The following ITGA2 variants were observed in gnomAD, a reference collection of about 807,000 sequenced individuals.
The protein encoded by ITGA2 is integrin subunit alpha 2, also known as integrin alpha-2.
In ITGA2, 101 loss-of-function variants were observed where a neutral mutation model predicts 146.3. The ratio of observed to expected loss-of-function variants is 0.69; its 90% confidence interval spans 0.59 to 0.81. ITGA2 has a LOEUF of 0.81. Among genes scored for constraint, ITGA2 ranks in the 40% least tolerant of loss-of-function variants. The pLI is 0.00. For missense variants in ITGA2, 1,281 were observed against 1,402.7 expected, an observed-to-expected ratio of 0.91 and a Z score of 1.39; for synonymous variants, 477 against 487.1, an observed-to-expected ratio of 0.98 and a Z score of 0.27.
chr5:53,068,449 A>G (rs1745243418), intron 16 of ITGA2, among the ~76,000 whole-genome samples: 1 of 151,912 alleles, frequency 6.6e-6, no homozygotes, highest in Non-Finnish European at 1.5e-5. Context: ...CAGAAACAGC[A>G]AACTGGTCAG....
At chr5:53,080,703 T>C (rs1723597957) in intron 25 of ITGA2, 82 bp downstream of exon 25, 3 of 1,020,014 alleles carry the variant, frequency 2.9e-6, no homozygotes, top group Non-Finnish European at 4.7e-6. Flanking sequence ...TGTCTGACAT[T>C]TTACAGATGG....
intron 1 of ITGA2, among the ~76,000 whole-genome samples, chr5:53,010,719 A>C (rs1742082157): frequency 1.3e-5 from 2 of 152,200 alleles, no homozygotes; most frequent in African/African-American, 4.8e-5. Flanking sequence ...TGCATGTGGC[A>C]TGAATGTGAA....
At chr5:53,062,562 C>T (rs547421800) in intron 12 of ITGA2, among the ~76,000 whole-genome samples, 2 of 151,938 alleles carry the variant, frequency 1.3e-5, no homozygotes, top group African/African-American at 4.8e-5. Context: ...ATTTCAAAGG[C>T]ATTTTCTTGG....
In ITGA2 at chr5:53,091,798, C is replaced by T. The variant is rs1042323; in HGVS notation, c.*1199C>T. The T allele has an allele frequency of 1.3e-5, 2 of 152,082 alleles. No individual in the cohort carries two copies. Among genetic ancestry groups the T allele is most frequent in the East Asian group, 1.9e-4 (1 of 5,192 alleles). The allele number at this position is 152,082 out of a possible 1,614,324, so 9.4% of individuals were successfully genotyped here. A position where few individuals can be genotyped will look rare whatever the true frequency, so the allele number is the denominator to read the frequency against. ...GCTAAACAAGTAAGAAAAATAAGCT[C>T]GAGTGAATTTCTAAATGTTGGAATG... On this transcript the variant is annotated 3_prime_UTR_variant, in exon 30 of 30. Transcript: ENST00000296585.
intron 1 of ITGA2, 62 bp from the exon 2 acceptor site, chr5:53,026,686 T>A (rs1236576905): frequency 6.8e-7 from 1 of 1,469,608 alleles, no homozygotes; most frequent in Admixed American, 1.7e-5. Context: ...CCTTTGAGAA[T>A]TATACGACAC....
At chr5:53,085,086 A>G (rs1746096268) in intron 27 of ITGA2, among the ~76,000 whole-genome samples, 1 of 152,208 alleles carries the variant, frequency 6.6e-6, no homozygotes, top group Non-Finnish European at 1.5e-5. Context: ...TGAAAAGTCA[A>G]ATGTTTATCC....
chr5:53,046,968 T>C lies in ITGA2; in HGVS notation c.388-1395T>C, dbSNP rs3212473. Among the ~76,000 whole-genome samples the C allele has an allele frequency of 6.2e-4, 95 of 152,196 alleles. 1 individual carries two copies. Among genetic ancestry groups the C allele is most frequent in the African/African-American group, 2.3e-3 (94 of 41,552 alleles). On this transcript the variant is annotated intron_variant, in intron 4 of 29. Transcript: ENST00000296585. ...CATGAGTTCTTTTTCAAAGTGATTT[T>C]AAAAAAAGCTTAGGAATGGGGATAT...
At chr5:53,006,304 G>T (rs963375822) in intron 1 of ITGA2, among the ~76,000 whole-genome samples, 1 of 152,036 alleles carries the variant, frequency 6.6e-6, no homozygotes, top group Admixed American at 6.6e-5. Context: ...CCATCACCCC[G>T]TAATATAGTC....
intron 10 of ITGA2, 72 bp downstream of exon 10, chr5:53,058,173 A>G (rs1482637184): frequency 1.4e-5 from 16 of 1,133,280 alleles, no homozygotes; most frequent in Non-Finnish European, 2.0e-5. Context: ...AGCCTTATAC[A>G]TAAAATGGGA....
chr5:53,066,127 G>T, intron 15 of ITGA2, 150 bp downstream of exon 15: 1 of 804,358 alleles, frequency 1.2e-6, no homozygotes, highest in Non-Finnish European at 2.1e-6. Flanking sequence ...AGGAATAAAT[G>T]TGTTTTTCCA....
intron 1 of ITGA2, among the ~76,000 whole-genome samples, chr5:52,992,951 A>G (rs1469032347): frequency 1.3e-5 from 2 of 152,068 alleles, no homozygotes; most frequent in African/African-American, 2.4e-5. Context: ...AGCCATCTAT[A>G]TACACCATTC....
intron 9 of ITGA2, among the ~76,000 whole-genome samples, chr5:53,057,222 T>C (rs1207737574): frequency 6.6e-6 from 1 of 152,004 alleles, no homozygotes; most frequent in Non-Finnish European, 1.5e-5. Context: ...TTATGGACTT[T>C]GGGGAACATT....
intron 9 of ITGA2, among the ~76,000 whole-genome samples, 169 bp downstream of exon 9, chr5:53,056,318 A>G (rs1441868563): frequency 1.3e-5 from 2 of 152,108 alleles, no homozygotes; most frequent in African/African-American, 4.8e-5. Flanking sequence ...TATAAATGAT[A>G]AAATACAAAT....
rs1244265736 is a variant in ITGA2 at position 53,091,270 on chromosome 5, G to A, written c.*671G>A. On this transcript the variant is annotated 3_prime_UTR_variant, in exon 30 of 30. Transcript: ENST00000296585. ...ACATGCTTGAATAACTGAGCTTAGA[G>A]TATACCTCCTATATGTCCATTTAAG... is the stretch of plus-strand genomic sequence containing the variant. 6.4e-6 allele frequency: 1 copy of A among 156,002 alleles called. No individual in the cohort carries two copies. Among genetic ancestry groups the A allele is most frequent in the South Asian group, 2.0e-4 (1 of 5,074 alleles). The allele number at this position is 156,002 out of a possible 1,614,324, so 9.7% of individuals were successfully genotyped here. A position where few individuals can be genotyped will look rare whatever the true frequency, so the allele number is the denominator to read the frequency against.
chr5:53,010,940 A>G (rs916362455), intron 1 of ITGA2, among the ~76,000 whole-genome samples: 3 of 152,094 alleles, frequency 2.0e-5, no homozygotes, highest in Non-Finnish European at 4.4e-5. Context: ...ACACATGTAA[A>G]GGGGAGGAGG....
chr5:53,060,085 G>A, intron 11 of ITGA2, 73 bp downstream of exon 11: 1 of 1,509,018 alleles, frequency 6.6e-7, no homozygotes, highest in Non-Finnish European at 9.2e-7. Context: ...TTGAATCTCA[G>A]GGTGAGTTCA....
chr5:53,084,868 A>T (rs1255146050), intron 27 of ITGA2, among the ~76,000 whole-genome samples: 3 of 152,232 alleles, frequency 2.0e-5, no homozygotes, highest in Non-Finnish European at 2.9e-5. Flanking sequence ...TTAAGACTAC[A>T]TCACTTTAAC....
At chr5:53,020,752 G>C (rs921805876) in intron 1 of ITGA2, among the ~76,000 whole-genome samples, 2 of 151,424 alleles carry the variant, frequency 1.3e-5, no homozygotes, top group African/African-American at 4.9e-5. Flanking sequence ...CTCGATCTTG[G>C]CTCACTGCAA....
intron 1 of ITGA2, among the ~76,000 whole-genome samples, chr5:53,003,639 T>A (rs1741689376): frequency 6.6e-6 from 1 of 152,122 alleles, no homozygotes; most frequent in Non-Finnish European, 1.5e-5. Context: ...GGCTCAGAAA[T>A]CACATAACTG....
Sources: allele counts gnomAD v4.1 joint callset (sites outside exome capture counted in the v4.1 genomes callset), GRCh38; gene constraint gnomAD v4.1.1; transcripts MANE v1.5; gene names NCBI Gene and HGNC (gene_info 2026-07-23, HGNC 2026-07-21).